Variants in CDH20 observed in about 807,000 individuals in gnomAD.
The protein encoded by CDH20 is cadherin-20.
In CDH20, 29 loss-of-function variants were observed where a neutral mutation model predicts 74.2. That is an observed-to-expected ratio of 0.39 (90% CI 0.29 to 0.53). CDH20 has a LOEUF of 0.53. Among genes scored for constraint, CDH20 ranks in the 20% least tolerant of loss-of-function variants. CDH20 has a pLI of 0.69. For missense variants in CDH20, 988 were observed against 1,048.3 expected, an observed-to-expected ratio of 0.94 and a Z score of 0.79; for synonymous variants, 469 against 405.4, an observed-to-expected ratio of 1.16 and a Z score of -1.88.
intron 1 of CDH20, among the ~76,000 whole-genome samples, chr18:61,401,952 A>G (rs1912169067): frequency 6.6e-6 from 1 of 152,236 alleles, no homozygotes; most frequent in Non-Finnish European, 1.5e-5. Context: ...ACTTCCTGCC[A>G]ACATTTTAAT....
At chr18:61,535,971 G>C (rs1054938993) in intron 7 of CDH20, among the ~76,000 whole-genome samples, 2 of 152,106 alleles carry the variant, frequency 1.3e-5, no homozygotes, top group Non-Finnish European at 2.9e-5. Context: ...TACCATTATT[G>C]TATTTGCCAG....
chr18:61,523,711 C>T (rs957865991), intron 6 of CDH20, among the ~76,000 whole-genome samples: 7 of 152,188 alleles, frequency 4.6e-5, no homozygotes, highest in Non-Finnish European at 8.8e-5. Flanking sequence ...AAATGTGGCA[C>T]ATATACAATA....
intron 11 of CDH20, among the ~76,000 whole-genome samples, chr18:61,553,351 G>T (rs1568188431): frequency 6.6e-6 from 1 of 152,086 alleles, no homozygotes; most frequent in East Asian, 1.9e-4. Flanking sequence ...AGCTCAATGG[G>T]ATTATCTCTA....
chr18:61,403,797 G>C (rs61580868), intron 1 of CDH20, among the ~76,000 whole-genome samples: 2,412 of 152,262 alleles, frequency 0.016, 60 homozygotes, highest in African/African-American at 0.055. Flanking sequence ...CTATTACAAA[G>C]ATACAAGCGC....
chr18:61,442,111 G>A (rs1229724994), intron 1 of CDH20, among the ~76,000 whole-genome samples: 1 of 152,038 alleles, frequency 6.6e-6, no homozygotes, highest in South Asian at 2.1e-4. Context: ...TTTAATCCTA[G>A]CACTTTGGGA....
chr18:61,431,355 A>C (rs1913247701), intron 1 of CDH20, among the ~76,000 whole-genome samples: 1 of 152,216 alleles, frequency 6.6e-6, no homozygotes, highest in South Asian at 2.1e-4. Context: ...TGGGACAGAC[A>C]AAGGATGTTA....
intron 6 of CDH20, 71 bp from the exon 7 acceptor site, chr18:61,527,896 C>A: frequency 1.3e-6 from 2 of 1,487,890 alleles, no homozygotes; most frequent in South Asian, 2.4e-5. Flanking sequence ...ATTGGGCATC[C>A]TTTTGAACGT....
chr18:61,458,544 C>T (rs1164034055), intron 1 of CDH20, among the ~76,000 whole-genome samples: 3 of 152,154 alleles, frequency 2.0e-5, no homozygotes, highest in African/African-American at 7.2e-5. Flanking sequence ...TCTCCACAAA[C>T]CCCTTTGATT....
chr18:61,402,864 A>G (rs1912201889), intron 1 of CDH20, among the ~76,000 whole-genome samples: 1 of 152,226 alleles, frequency 6.6e-6, no homozygotes, highest in African/African-American at 2.4e-5. Flanking sequence ...GAGTAAATCC[A>G]TGTTATCGTG....
intron 1 of CDH20, among the ~76,000 whole-genome samples, chr18:61,451,821 A>T (rs1909397981): frequency 6.6e-6 from 1 of 152,058 alleles, no homozygotes; most frequent in Non-Finnish European, 1.5e-5. Context: ...CAGAGAGCTG[A>T]CAGTTAAATG....
chr18:61,441,867 C>T (rs1379664676), intron 1 of CDH20, among the ~76,000 whole-genome samples: 2 of 152,108 alleles, frequency 1.3e-5, no homozygotes, highest in Non-Finnish European at 2.9e-5. Context: ...AGCCACCTCC[C>T]TGTGTTATGA....
intron 1 of CDH20, among the ~76,000 whole-genome samples, chr18:61,403,537 T>C (rs1321747941): frequency 1.3e-5 from 2 of 152,210 alleles, no homozygotes; most frequent in Non-Finnish European, 2.9e-5. Flanking sequence ...TTCAGTCATA[T>C]AATACCTCAA....
At chr18:61,539,761 A>C (rs990835478) in intron 9 of CDH20, among the ~76,000 whole-genome samples, 2 of 152,160 alleles carry the variant, frequency 1.3e-5, no homozygotes, top group Admixed American at 6.5e-5. Context: ...TACCTTATTT[A>C]GGGACTCCCT....
At chr18:61,338,386 C>T (rs1909829408) in intron 1 of CDH20, among the ~76,000 whole-genome samples, 1 of 152,090 alleles carries the variant, frequency 6.6e-6, no homozygotes, top group Non-Finnish European at 1.5e-5. Flanking sequence ...CCAGGACTCT[C>T]TAGTTAAGAA....
intron 1 of CDH20, among the ~76,000 whole-genome samples, chr18:61,429,448 T>C (rs954919967): frequency 5.3e-5 from 8 of 152,216 alleles, no homozygotes; most frequent in African/African-American, 1.9e-4. Flanking sequence ...CAGCTGTTTA[T>C]AACCCCCAAA....
At chr18:61,403,084 T>C (rs1374577463) in intron 1 of CDH20, among the ~76,000 whole-genome samples, 3 of 152,160 alleles carry the variant, frequency 2.0e-5, no homozygotes, top group Non-Finnish European at 4.4e-5. Context: ...GTCTAAAATA[T>C]CAAGATCTTA....
intron 1 of CDH20, among the ~76,000 whole-genome samples, chr18:61,457,680 T>C (rs559611336): frequency 5.3e-5 from 8 of 152,306 alleles, no homozygotes; most frequent in African/African-American, 1.9e-4. Flanking sequence ...GATAAAATAA[T>C]ATGTTTGGAG....
Position 61,334,869 on chromosome 18 carries a change from G to A in CDH20, c.-153+1042G>A, listed in dbSNP as rs1909704297. 7.6e-5 allele frequency among the ~76,000 whole-genome samples: 9 copies of A among 118,882 alleles called. No individual in the cohort carries two copies. In the South Asian group the frequency reaches 3.0e-3, roughly 39 times the overall value. The allele number at this position is 118,882 out of a possible 152,430, so 78.0% of individuals were successfully genotyped here. On this transcript the variant is annotated intron_variant, in intron 1 of 11. Transcript: ENST00000262717. ...GCTCTTGTTATTGGCACGAGCACCAGGAACAATTTTTTTTCTGATTGTTAT... is the reference window on the plus strand; with the variant it reads ...GCTCTTGTTATTGGCACGAGCACCAAGAACAATTTTTTTTCTGATTGTTAT...
chr18:61,354,058 AAAG>A (rs1910407158), intron 1 of CDH20, among the ~76,000 whole-genome samples: 1 of 151,884 alleles, frequency 6.6e-6, no homozygotes, highest in Non-Finnish European at 1.5e-5. Context: ...AAAAAAAGAA[AAAG>A]AAAAAGAAAA....
Sources: gnomAD v4.1 joint callset for allele counts (sites outside exome capture counted in the v4.1 genomes callset) on GRCh38, gnomAD v4.1.1 for gene constraint, MANE v1.5 for transcripts, NCBI Gene and HGNC (gene_info 2026-07-23, HGNC 2026-07-21) for gene names.